The following TRRAP variants were observed in gnomAD, a reference collection of about 807,000 sequenced individuals.
TRRAP encodes transformation/transcription domain associated protein, also known as transformation/transcription domain-associated protein.
TRRAP carries 41 observed loss-of-function variants against 438.8 expected under a neutral mutation model. That is an observed-to-expected ratio of 0.09 (90% CI 0.07 to 0.12). The LOEUF (loss-of-function observed/expected upper bound fraction) is 0.12, where lower values mean the gene tolerates loss of function less well. Among genes scored for constraint, TRRAP ranks in the 10% least tolerant of loss-of-function variants. The pLI, the probability that TRRAP is intolerant of heterozygous loss-of-function variation, is 1.00. For synonymous variants in TRRAP, 1,994 were observed against 1,962.9 expected (o/e 1.02, Z -0.42); for missense variants, 3,122 against 5,055.1 (o/e 0.62, Z 11.60).
intron 11 of TRRAP, among the ~76,000 whole-genome samples, chr7:98,903,106 TCTC>T (rs1796549409): frequency 1.3e-5 from 2 of 151,890 alleles, no homozygotes; most frequent in Non-Finnish European, 2.9e-5. Context: ...ACTGCAACCT[TCTC>T]CTCCCAGGTT....
At position 98,967,175 on chromosome 7, in the gene TRRAP, A is replaced by G. The variant is rs141547303; in HGVS notation, c.7298+13A>G. The G allele has an allele frequency of 8.7e-6, 14 of 1,612,036 alleles. No individual in the cohort carries two copies. The African/African-American group carries it at 1.1e-4, about 12-fold the overall frequency. On this transcript the variant is annotated intron_variant, in intron 50 of 72. Transcript: ENST00000456197. ...ACTATGTCTACAGGTAATTACAGCA[A>G]TTAATCAAGTACTACATATATTGGT...
At chr7:98,939,306 G>A (rs1194931595) in intron 30 of TRRAP, among the ~76,000 whole-genome samples, 1 of 152,178 alleles carries the variant, frequency 6.6e-6, no homozygotes, top group African/African-American at 2.4e-5. Context: ...TGTAGAGAGA[G>A]ATATTGCAGG....
At chr7:98,939,128 C>T (rs1445587166) in intron 30 of TRRAP, among the ~76,000 whole-genome samples, 3 of 152,196 alleles carry the variant, frequency 2.0e-5, no homozygotes, top group Admixed American at 6.5e-5. Flanking sequence ...TAATGGTCCA[C>T]CACTGCAAAC....
chr7:98,999,887 C>A, intron 67 of TRRAP: 1 of 391,486 alleles, frequency 2.6e-6, no homozygotes, highest in Non-Finnish European at 4.6e-6. Flanking sequence ...CTCGCCAGGG[C>A]CAGCAGCTCA....
chr7:99,002,896 A>G (rs2116851115), intron 67 of TRRAP, among the ~76,000 whole-genome samples: 1 of 152,302 alleles, frequency 6.6e-6, no homozygotes, highest in Non-Finnish European at 1.5e-5. Flanking sequence ...CCAGCGCCTC[A>G]TGTGCGCTGC....
intron 11 of TRRAP, among the ~76,000 whole-genome samples, chr7:98,901,098 C>G (rs1052664114): frequency 4.6e-5 from 7 of 152,196 alleles, no homozygotes; most frequent in Non-Finnish European, 1.0e-4. Context: ...GTGTAGTTGT[C>G]TTTGCTTGGC....
intron 26 of TRRAP, 46 bp from the exon 27 acceptor site, chr7:98,933,195 C>T: frequency 6.4e-7 from 1 of 1,551,172 alleles, no homozygotes; most frequent in Middle Eastern, 1.7e-4. Flanking sequence ...GTGTTTGTGT[C>T]TCAAGGGGCA....
Position 98,971,790 on chromosome 7 carries a change from G to A in TRRAP, c.7693-9G>A, listed in dbSNP as rs200052707. ...ACCTTTTGGTTTTGCTTGCTGCTTT[G>A]TTTCTTAGGATGTAGAGATAGACAT... is the stretch of plus-strand genomic sequence containing the variant. On this transcript the variant is annotated splice_polypyrimidine_tract_variant and intron_variant, in intron 52 of 72. Transcript: ENST00000456197. 6.2e-7 allele frequency: 1 copy of A among 1,612,010 alleles called. No individual in the cohort carries two copies. The highest frequency in any genetic ancestry group is 2.2e-5 in the East Asian group (1 of 44,838).
intron 4 of TRRAP, among the ~76,000 whole-genome samples, chr7:98,890,948 G>C (rs1795939954): frequency 6.6e-6 from 1 of 151,012 alleles, no homozygotes; most frequent in Admixed American, 6.6e-5. Flanking sequence ...GCGCCACAAT[G>C]CCTGGCTAAT....
chr7:98,889,045 C>CTTTTTT (rs11326725), intron 3 of TRRAP, among the ~76,000 whole-genome samples: 10 of 82,430 alleles, frequency 1.2e-4, no homozygotes, highest in Non-Finnish European at 2.2e-4. Flanking sequence ...CAAAACTTTA[C>CTTTTTT]TTTTTTTTTT....
intron 31 of TRRAP, among the ~76,000 whole-genome samples, chr7:98,943,628 A>G (rs1320305966): frequency 6.6e-6 from 1 of 152,350 alleles, no homozygotes; most frequent in East Asian, 1.9e-4. Context: ...TAAATCTTTT[A>G]AAGTGTCTAT....
intron 43 of TRRAP, among the ~76,000 whole-genome samples, chr7:98,957,646 C>T (rs1791680145): frequency 6.6e-6 from 1 of 152,168 alleles, no homozygotes; most frequent in Non-Finnish European, 1.5e-5. Flanking sequence ...GGATGTGTCC[C>T]CTGGCCTTTT....
At chr7:98,966,746 CAAAT>C (rs1792176668) in intron 49 of TRRAP, among the ~76,000 whole-genome samples, 2 of 151,620 alleles carry the variant, frequency 1.3e-5, no homozygotes, top group Admixed American at 1.3e-4. Context: ...AAAGATAAGA[CAAAT>C]AATACTTAAA....
intron 59 of TRRAP, 105 bp downstream of exon 59, chr7:98,982,065 C>T: frequency 8.6e-7 from 1 of 1,159,746 alleles, no homozygotes; most frequent in Non-Finnish European, 1.1e-6. Context: ...AGAGATGAAA[C>T]TCCTTCTGCT....
chr7:98,958,114 G>C (rs782559096), intron 44 of TRRAP, 23 bp downstream of exon 44: 1 of 1,599,466 alleles, frequency 6.3e-7, no homozygotes, highest in African/African-American at 1.3e-5. Context: ...AGTGCCCTGC[G>C]TTAGGGCTTC....
intron 3 of TRRAP, among the ~76,000 whole-genome samples, chr7:98,883,996 C>T (rs1028527269): frequency 2.6e-5 from 4 of 152,092 alleles, no homozygotes; most frequent in Non-Finnish European, 4.4e-5. Flanking sequence ...TGTGGATAGC[C>T]CAGGGTCTTT....
rs898867488 is a variant in TRRAP, at chr7:99,011,661, C to T, written c.11337+126C>T. On this transcript the variant is annotated intron_variant, in intron 72 of 72. Coordinates refer to ENST00000456197, the MANE Select transcript of TRRAP (RefSeq NM_001375524.1). This position sits in a 1 kb window ranked among gnomAD's most constrained non-coding sequence, Gnocchi z 7.1. Reference sequence around the variant, plus strand: ...GCGCTCTCCACAGTGGCCAGCACCCCTGTGTGTTATGTCCTTTGCTGTGAG... The same window carrying T: ...GCGCTCTCCACAGTGGCCAGCACCCTTGTGTGTTATGTCCTTTGCTGTGAG... The T allele has an allele frequency of 1.1e-5, 12 of 1,119,400 alleles. No individual in the cohort carries two copies. The highest frequency in any genetic ancestry group is 1.5e-5 in the Non-Finnish European group (12 of 801,260). 69.3% of individuals were successfully genotyped at this position (1,119,400 alleles called of 1,614,324 possible). A position where few individuals can be genotyped will look rare whatever the true frequency, so the allele number is the denominator to read the frequency against.
intron 38 of TRRAP, among the ~76,000 whole-genome samples, chr7:98,950,537 T>C (rs919799386): frequency 2.6e-5 from 4 of 152,072 alleles, no homozygotes; most frequent in Admixed American, 2.0e-4. Context: ...AAAAATAAAA[T>C]TAGTGGGCTG....
At chr7:99,000,987 G>A (rs1053515906) in intron 67 of TRRAP, among the ~76,000 whole-genome samples, 4 of 152,220 alleles carry the variant, frequency 2.6e-5, no homozygotes, top group Non-Finnish European at 5.9e-5. Flanking sequence ...GGGTTAAATC[G>A]TAGACTAAGT....
Sources: gnomAD v4.1 joint callset for allele counts (sites outside exome capture counted in the v4.1 genomes callset) on GRCh38, gnomAD v4.1.1 for gene constraint, Gnocchi (gnomAD v3.1) non-coding constraint, MANE v1.5 for transcripts, NCBI Gene and HGNC (gene_info 2026-07-23, HGNC 2026-07-21) for gene names.